The following CEP295NL variants were observed in gnomAD, a reference collection of about 807,000 sequenced individuals.
CEP295NL encodes the protein protein DDC8 homolog.
In CEP295NL, 3 loss-of-function variants were observed where a neutral mutation model predicts 4.6. That is an observed-to-expected ratio of 0.65 (90% confidence interval 0.30 to 1.69). The LOEUF (loss-of-function observed/expected upper bound fraction) is 1.69. Among genes scored for constraint, CEP295NL ranks in the 40% most tolerant of loss-of-function variants. The pLI is 0.10. For synonymous variants in CEP295NL, 295 were observed against 312.2 expected, an observed-to-expected ratio of 0.94 and a Z score of 0.58; for missense variants, 719 against 769.0, an observed-to-expected ratio of 0.93 and a Z score of 0.77.
At chr17:78,892,790 C>T (rs1426414521) in intron 2 of CEP295NL, among the ~76,000 whole-genome samples, 1 of 152,122 alleles carries the variant, frequency 6.6e-6, no homozygotes, top group Non-Finnish European at 1.5e-5. Context: ...GCGAGGGAGG[C>T]TGCTGAATAC....
chr17:78,893,863 C>T (rs2069957699), intron 2 of CEP295NL, among the ~76,000 whole-genome samples: 1 of 152,124 alleles, frequency 6.6e-6, no homozygotes, highest in Non-Finnish European at 1.5e-5. Flanking sequence ...GGCATTTACA[C>T]CAAAACAGTA....
Position 78,896,745 on chromosome 17 carries a change from C to G in CEP295NL, c.45-4286G>C, listed in dbSNP as rs1236973329. Among the ~76,000 whole-genome samples the G allele has an allele frequency of 6.6e-6, 1 of 152,138 alleles. No individual in the cohort carries two copies. On this transcript the variant is annotated intron_variant, in intron 2 of 2. Transcript: ENST00000322630. The surrounding 1 kb of genome is among the most constrained non-coding windows in gnomAD (Gnocchi z 4.4). ...CAGCAGAAGGAAGGCGAGTGGACAC[C>G]AATCTGGCCTCCGGACGGCACCAGG... is the stretch of plus-strand genomic sequence containing the variant.
At chr17:78,895,921 C>G (rs937519913) in intron 2 of CEP295NL, among the ~76,000 whole-genome samples, 1 of 152,248 alleles carries the variant, frequency 6.6e-6, no homozygotes, top group Non-Finnish European at 1.5e-5. Flanking sequence ...CAAGTCTTCC[C>G]TGCTCTGGAA....
At position 78,892,172 on chromosome 17, in the gene CEP295NL, G is replaced by A; in HGVS notation, c.332C>T (p.Ala111Val). ...CTGATACCCTCTCCTCAACTCCTCA[G>A]CCAAGCGCTGGAGCTGGTAGTTTTT... ...LWKNYQLQRL[A>V]EELRRGYQEA... The change falls in exon 3 of 3, where the codon GCT becomes GTT. Residue 111 changes from alanine to valine, a missense_variant. Transcript: ENST00000322630. 1 of 1,550,968 alleles carries A rather than the reference G, an allele frequency of 6.4e-7. No homozygotes were observed. Among genetic ancestry groups the A allele is most frequent in the Non-Finnish European group, 8.7e-7 (1 of 1,147,100 alleles).
chr17:78,894,602 A>C (rs1311069417), intron 2 of CEP295NL, among the ~76,000 whole-genome samples: 1 of 152,152 alleles, frequency 6.6e-6, no homozygotes, highest in Non-Finnish European at 1.5e-5. Context: ...TTGGATATCC[A>C]CAGGCAAAAA....
At position 78,892,011 on chromosome 17, in the gene CEP295NL, T is replaced by A; in HGVS notation, c.493A>T (p.Arg165Trp). The change falls in exon 3 of 3, where the codon AGG (arginine) becomes TGG (tryptophan). Residue 165 changes from arginine (R) to tryptophan (W), a missense_variant. By Grantham distance (101) the Arg-to-Trp change is moderately radical. Coordinates refer to ENST00000322630, the MANE Select transcript of CEP295NL (RefSeq NM_001243540.2). ...PIQRRSARPP[R>W]AKEKHRAALS... is the part of the protein sequence containing the mutation. ...GCTGCTCTATGCTTCTCCTTGGCCCTCGGGGGCCTGGCTGATCTTCGCTGG... is the reference window on the plus strand; with the variant it reads ...GCTGCTCTATGCTTCTCCTTGGCCCACGGGGGCCTGGCTGATCTTCGCTGG... 1 of 1,550,680 alleles carries A rather than the reference T, an allele frequency of 6.4e-7. No homozygotes were observed. The highest frequency in any genetic ancestry group is 8.7e-7 in the Non-Finnish European group (1 of 1,147,010).
Position 78,896,636 on chromosome 17 carries a change from A to C in CEP295NL, c.45-4177T>G, listed in dbSNP as rs7216901. On this transcript the variant is annotated intron_variant, in intron 2 of 2. Transcript: ENST00000322630. This position sits in a 1 kb window ranked among gnomAD's most constrained non-coding sequence, Gnocchi z 4.4. ...GCTGCCCTCTGGTCCTGCCACCCCGAGCTGACAAGCCTGCCTTCTGCTGGC... is the reference window on the plus strand; with the variant it reads ...GCTGCCCTCTGGTCCTGCCACCCCGCGCTGACAAGCCTGCCTTCTGCTGGC... Among the ~76,000 whole-genome samples, 24,673 of 151,790 alleles carry C rather than the reference A, an allele frequency of 0.16. 4,339 individuals are homozygous for C. The highest frequency in any genetic ancestry group is 0.45 in the African/African-American group (18,548 of 41,306).
chr17:78,899,414 G>C (rs534821255), intron 2 of CEP295NL: 1 of 152,346 alleles, frequency 6.6e-6, no homozygotes, highest in Non-Finnish European at 1.5e-5. Flanking sequence ...AAGTCTCTGA[G>C]TGCAACCCGC....
chr17:78,893,160 GGT>G (rs545430208), intron 2 of CEP295NL, among the ~76,000 whole-genome samples: 6 of 144,220 alleles, frequency 4.2e-5, no homozygotes, highest in Admixed American at 6.9e-5. Flanking sequence ...TGTGTGCAGG[GGT>G]GTGTGTGCAT....
rs745769965 is a variant in CEP295NL at position 78,892,251 on chromosome 17, C to T, written c.253G>A (p.Ala85Thr). The change falls in exon 3 of 3, where the codon GCC (alanine) becomes ACC (threonine). Residue 85 changes from alanine (A) to threonine (T), a missense_variant. By Grantham distance (58) the Ala-to-Thr change is moderately conservative. Coordinates refer to ENST00000322630, the MANE Select transcript of CEP295NL (RefSeq NM_001243540.2). Reference protein sequence around the residue: ...LWRKKHKLLQARGKGDLALQR... With the variant: ...LWRKKHKLLQTRGKGDLALQR... ...AGAGCGAGATCGCCTTTGCCCCGGG[C>T]TTGTAGCAATTTGTGCTTTTTCCTC... is the stretch of plus-strand genomic sequence containing the variant. 6.4e-7 allele frequency: 1 copy of T among 1,550,894 alleles called. No homozygotes were observed. Among genetic ancestry groups the T allele is most frequent in the South Asian group, 1.2e-5 (1 of 84,060 alleles).
In CEP295NL at chr17:78,890,859, G is replaced by A. The variant is rs895877559; in HGVS notation, c.1645C>T (p.Arg549Ter). ...EKERREQRRARLAHLKSSSTR... is the reference protein window; with the variant it reads ...EKERREQRRA ...GAGGAGGACTTCAGATGGGCCAGTC[G>A]AGCTCTTCTTTGCTCCCTCCTCTCT... The change falls in exon 3 of 3, where the codon CGA becomes TGA. Residue 549 changes from arginine (R) to a stop codon, truncating the protein, a stop_gained. Transcript: ENST00000322630. LOFTEE classifies it low-confidence loss of function (END_TRUNC). 7.7e-6 allele frequency: 12 copies of A among 1,550,456 alleles called. No homozygotes were observed. The highest frequency in any genetic ancestry group is 2.7e-5 in the African/African-American group (2 of 73,002).
At chr17:78,901,178 G>A (rs2070086839) in intron 2 of CEP295NL, 1 of 153,212 alleles carries the variant, frequency 6.5e-6, no homozygotes, top group African/African-American at 2.4e-5. Flanking sequence ...ACACCCACGT[G>A]GTGCTGGATT....
chr17:78,903,002 C>A, intron 1 of CEP295NL, 132 bp downstream of exon 1: 1 of 152,552 alleles, frequency 6.6e-6, no homozygotes, highest in Non-Finnish European at 1.5e-5. Context: ...GGAGCCCCTC[C>A]TTGGCCCACT....
rs2069890743 is a variant in CEP295NL, at chr17:78,891,373, A to C, written c.1131T>G (p.His377Gln). Residue 377 changes from histidine to glutamine, a missense_variant, in exon 3 of 3, where the codon CAT (histidine) becomes CAG (glutamine). Physicochemically the swap from His to Gln is conservative, Grantham distance 24 (BLOSUM62 0). Coordinates refer to ENST00000322630, the MANE Select transcript of CEP295NL (RefSeq NM_001243540.2). The surrounding 1 kb of genome is among the most constrained non-coding windows in gnomAD (Gnocchi z 4.5). ...PRMDQRPGEGHAFSEMQECGA... is the reference protein window; with the variant it reads ...PRMDQRPGEGQAFSEMQECGA... ...CACACTCTTGCATCTCTGAGAAGGC[A>C]TGCCCTTCCCCAGGTCTCTGGTCCA... The C allele has an allele frequency of 6.4e-7, 1 of 1,550,534 alleles. No homozygotes were observed. Among genetic ancestry groups the C allele is most frequent in the Non-Finnish European group, 8.7e-7 (1 of 1,147,038 alleles).
chr17:78,896,465 C>T lies in CEP295NL; in HGVS notation c.45-4006G>A, dbSNP rs954932142. Reference sequence around the variant, plus strand: ...CAGCCATGGTTCCAATCAGGGCCCTCGCTACAGCTCCCCTCCCAGAGGCAC... The same window carrying T: ...CAGCCATGGTTCCAATCAGGGCCCTTGCTACAGCTCCCCTCCCAGAGGCAC... On this transcript the variant is annotated intron_variant, in intron 2 of 2. Coordinates refer to ENST00000322630, the MANE Select transcript of CEP295NL (RefSeq NM_001243540.2). The surrounding 1 kb of genome is among the most constrained non-coding windows in gnomAD (Gnocchi z 4.4). 9.2e-5 allele frequency among the ~76,000 whole-genome samples: 14 copies of T among 152,152 alleles called. No homozygotes were observed. Among genetic ancestry groups the T allele is most frequent in the Non-Finnish European group, 1.3e-4 (9 of 68,036 alleles).
At chr17:78,902,084 C>G (rs2070102553) in intron 1 of CEP295NL, among the ~76,000 whole-genome samples, 158 bp from the exon 2 acceptor site, 1 of 152,208 alleles carries the variant, frequency 6.6e-6, no homozygotes, top group South Asian at 2.1e-4. Flanking sequence ...TAGCCACGTC[C>G]CAGTGGTGGC....
At chr17:78,894,300 C>T (rs987138142) in intron 2 of CEP295NL, among the ~76,000 whole-genome samples, 2 of 151,980 alleles carry the variant, frequency 1.3e-5, no homozygotes, top group African/African-American at 2.4e-5. Flanking sequence ...GCTGCTTGGA[C>T]GAACCCCAGC....
chr17:78,895,638 A>T (rs796580913), intron 2 of CEP295NL, among the ~76,000 whole-genome samples: 5 of 152,340 alleles, frequency 3.3e-5, no homozygotes, highest in African/African-American at 1.2e-4. Context: ...TAGGTCTATA[A>T]CCAAGAGAAG....
rs2070007194 is a variant in CEP295NL at position 78,896,750 on chromosome 17, TG to T, written c.45-4292del. ...GAAGGAAGGCGAGTGGACACCAATC[TG>T]GCCTCCGGACGGCACCAGGGCCTCC... On this transcript the variant is annotated intron_variant, in intron 2 of 2. Coordinates refer to ENST00000322630, the MANE Select transcript of CEP295NL (RefSeq NM_001243540.2). This position sits in a 1 kb window ranked among gnomAD's most constrained non-coding sequence, Gnocchi z 4.4. Among the ~76,000 whole-genome samples, 1 of 152,130 alleles carries T rather than the reference TG, an allele frequency of 6.6e-6. No homozygotes were observed. The highest frequency in any genetic ancestry group is 2.4e-5 in the African/African-American group (1 of 41,422).
Sources: allele counts gnomAD v4.1 joint callset (sites outside exome capture counted in the v4.1 genomes callset), GRCh38; gene constraint gnomAD v4.1.1; non-coding constraint Gnocchi (gnomAD v3.1); transcripts MANE v1.5; gene names NCBI Gene and HGNC (gene_info 2026-07-23, HGNC 2026-07-21).